Variants in UPP2 observed in about 807,000 individuals in gnomAD.
The protein encoded by UPP2 is UPase 2.
Under a neutral mutation model 26.7 loss-of-function variants are expected in UPP2, and 23 were observed. That is an observed-to-expected ratio of 0.86 (90% confidence interval 0.62 to 1.22). The LOEUF (loss-of-function observed/expected upper bound fraction) is 1.22, where lower values mean the gene tolerates loss of function less well. Among genes scored for constraint, UPP2 ranks in the 50% most tolerant of loss-of-function variants. The pLI is 0.00. For missense variants in UPP2, 387 were observed against 396.7 expected (o/e 0.98, Z 0.21); for synonymous variants, 127 against 141.3 (o/e 0.90, Z 0.72).
At chr2:158,099,048 G>A (rs1488501068), upstream of UPP2, among the ~76,000 whole-genome samples, 2 of 152,186 alleles carry the variant, frequency 1.3e-5, no homozygotes, top group Non-Finnish European at 2.9e-5. Flanking sequence ...TATTTGTCAC[G>A]AAGGAGAGAA....
intron 3 of UPP2, among the ~76,000 whole-genome samples, chr2:158,035,040 C>T (rs1683978554): frequency 6.6e-6 from 1 of 152,166 alleles, no homozygotes; most frequent in Non-Finnish European, 1.5e-5. Flanking sequence ...TACCTTGCTA[C>T]ATCCTCTTCT....
intron 3 of UPP2, among the ~76,000 whole-genome samples, chr2:158,083,551 G>A (rs571811823): frequency 2.0e-5 from 3 of 152,068 alleles, no homozygotes; most frequent in East Asian, 1.9e-4. Context: ...ACCAGGGCCC[G>A]TTGGGGGATG....
At chr2:158,043,646 A>T (rs1684110742) in intron 3 of UPP2, among the ~76,000 whole-genome samples, 1 of 152,204 alleles carries the variant, frequency 6.6e-6, no homozygotes, top group Non-Finnish European at 1.5e-5. Context: ...AGGGGAGATA[A>T]TCATTCAAGG....
intron 6 of UPP2, among the ~76,000 whole-genome samples, chr2:158,124,876 G>A (rs80222430): frequency 0.032 from 4,918 of 152,226 alleles, 282 homozygotes; most frequent in African/African-American, 0.11. Flanking sequence ...TCAAAATGGA[G>A]GCCAAGCAAG....
chr2:158,029,032 G>C (rs1436919042), intron 3 of UPP2, among the ~76,000 whole-genome samples: 1 of 152,184 alleles, frequency 6.6e-6, no homozygotes, highest in Non-Finnish European at 1.5e-5. Flanking sequence ...TTTGCAGCCA[G>C]TCTATCTGTT....
intron 3 of UPP2, among the ~76,000 whole-genome samples, chr2:158,019,362 T>C (rs1683711002): frequency 6.6e-6 from 1 of 151,990 alleles, no homozygotes; most frequent in South Asian, 2.1e-4. Flanking sequence ...TACAGATCCA[T>C]TGCTGGAGGA....
Position 158,012,961 on chromosome 2 carries a change from C to A in UPP2, c.62-2840C>A, listed in dbSNP as rs375943376. The stretch of plus-strand genomic sequence containing the variant: ...AATATTATAATAAAATTCATCAATG[C>A]CCCATTGTTGAATATTTAGATTGTT... On this transcript the variant is annotated intron_variant, in intron 2 of 9. Coordinates refer to the UPP2 transcript ENST00000605860. Among the ~76,000 whole-genome samples the A allele has an allele frequency of 3.9e-5, 6 of 152,060 alleles. No individual in the cohort carries two copies. In the South Asian group the frequency reaches 1.2e-3, roughly 32 times the overall value.
intron 1 of UPP2, among the ~76,000 whole-genome samples, chr2:158,104,988 A>G (rs1391497706): frequency 4.7e-5 from 2 of 42,650 alleles, no homozygotes; most frequent in African/African-American, 3.2e-4. Context: ...AAGAGAAGGG[A>G]AGGGAAGGGA....
intron 1 of UPP2, among the ~76,000 whole-genome samples, 200 bp downstream of exon 1, chr2:158,102,325 G>T (rs73007713): frequency 0.023 from 3,491 of 152,186 alleles, 114 homozygotes; most frequent in African/African-American, 0.08. Flanking sequence ...GGTTTTGGGG[G>T]TTAGGGTTTG....
At chr2:158,050,448 G>GA (rs1682133775) in intron 3 of UPP2, among the ~76,000 whole-genome samples, 1 of 151,792 alleles carries the variant, frequency 6.6e-6, no homozygotes, top group African/African-American at 2.4e-5. Context: ...GGTAAGAGAT[G>GA]AAAAATTGCA....
At chr2:158,018,287 A>G (rs1683692692) in intron 3 of UPP2, among the ~76,000 whole-genome samples, 1 of 152,252 alleles carries the variant, frequency 6.6e-6, no homozygotes, top group Non-Finnish European at 1.5e-5. Context: ...TACAGAATTC[A>G]GAAGTCTTAT....
intron 2 of UPP2, among the ~76,000 whole-genome samples, chr2:158,008,051 A>C (rs1391567034): frequency 6.6e-6 from 1 of 152,268 alleles, no homozygotes; most frequent in Non-Finnish European, 1.5e-5. Flanking sequence ...GATTGAAAAG[A>C]ATGTAAATTT....
chr2:158,001,982 A>AAAG (rs1683415849), intron 2 of UPP2, among the ~76,000 whole-genome samples: 1 of 145,002 alleles, frequency 6.9e-6, no homozygotes, highest in South Asian at 2.3e-4. Flanking sequence ...AAAAAAAAAA[A>AAAG]GAAGAGAGAG....
chr2:158,019,657 C>G (rs1316520840), intron 3 of UPP2, among the ~76,000 whole-genome samples: 1 of 150,350 alleles, frequency 6.7e-6, no homozygotes, highest in African/African-American at 2.5e-5. Context: ...CACACACACA[C>G]ACACACACAC....
intron 3 of UPP2, among the ~76,000 whole-genome samples, chr2:158,033,634 A>C (rs977931481): frequency 2.6e-5 from 4 of 152,116 alleles, no homozygotes; most frequent in African/African-American, 9.7e-5. Context: ...GATAGCAGCA[A>C]TAACTAACTA....
chr2:158,096,164 T>C (rs1682982096), intron 3 of UPP2, among the ~76,000 whole-genome samples: 1 of 152,148 alleles, frequency 6.6e-6, no homozygotes, highest in Admixed American at 6.5e-5. Context: ...AACAGTGAAT[T>C]TACGCTTTGG....
intron 3 of UPP2, among the ~76,000 whole-genome samples, chr2:158,074,469 C>T (rs959472698): frequency 1.3e-5 from 2 of 151,902 alleles, no homozygotes; most frequent in African/African-American, 4.8e-5. Context: ...TTTTTTGTTG[C>T]TTGTTTATTT....
chr2:158,000,839 G>A (rs528351637), intron 2 of UPP2, among the ~76,000 whole-genome samples: 18 of 152,280 alleles, frequency 1.2e-4, no homozygotes, highest in Non-Finnish European at 2.1e-4. Flanking sequence ...AGGGAATTTG[G>A]GTCTACAAAA....
intron 6 of UPP2, among the ~76,000 whole-genome samples, chr2:158,131,149 C>A (rs1160991034): frequency 6.6e-6 from 1 of 152,094 alleles, no homozygotes; most frequent in African/African-American, 2.4e-5. Flanking sequence ...AAACTCAAAC[C>A]CTTGAGGAGC....
Sources: gnomAD v4.1 joint callset for allele counts (sites outside exome capture counted in the v4.1 genomes callset) on GRCh38, gnomAD v4.1.1 for gene constraint, MANE v1.5 for transcripts, NCBI Gene and HGNC (gene_info 2026-07-23, HGNC 2026-07-21) for gene names.